RPA3: variants seen among roughly 807,000 people sequenced by gnomAD.
The protein encoded by RPA3 is replication protein A 14 kDa subunit.
Under a neutral mutation model 13.7 loss-of-function variants are expected in RPA3, and 24 were observed. The ratio of observed to expected loss-of-function variants is 1.75; its 90% CI spans 1.27 to 2.46. The LOEUF (loss-of-function observed/expected upper bound fraction) is 2.46, where lower values mean the gene tolerates loss of function less well. Ranked by LOEUF, RPA3 falls within the 30% of genes most tolerant of loss-of-function variation. The pLI is 0.00. For missense variants in RPA3, 183 were observed against 151.0 expected (o/e 1.21, Z -1.11); for synonymous variants, 59 against 51.2 (o/e 1.15, Z -0.65).
At chr7:7,638,850 G>C (rs1583679848) in intron 6 of RPA3, 1 of 391,450 alleles carries the variant, frequency 2.6e-6, no homozygotes, top group Non-Finnish European at 4.5e-6. Context: ...ACATTTATGG[G>C]ATATGTTCAA....
chr7:7,637,163 T>G, intron 7 of RPA3, 81 bp from the exon 8 acceptor site: 1 of 1,025,324 alleles, frequency 9.8e-7, no homozygotes, highest in Admixed American at 1.9e-5. Flanking sequence ...TTTTTACCTA[T>G]TTCCTTTTTC....
At chr7:7,718,100 TATA>T (rs1485689455) in intron 1 of RPA3, among the ~76,000 whole-genome samples, 1 of 152,208 alleles carries the variant, frequency 6.6e-6, no homozygotes, top group Non-Finnish European at 1.5e-5. Context: ...CACATTGTTG[TATA>T]ATAAGTTATA....
intron 4 of RPA3, among the ~76,000 whole-genome samples, chr7:7,656,872 T>A (rs986849257): frequency 2.6e-5 from 4 of 152,230 alleles, no homozygotes; most frequent in African/African-American, 9.7e-5. Context: ...TGTTTCTAGA[T>A]CCTTGAGGAA....
chr7:7,660,254 A>C (rs1415117270), intron 4 of RPA3, among the ~76,000 whole-genome samples: 1 of 152,140 alleles, frequency 6.6e-6, no homozygotes, highest in East Asian at 1.9e-4. Context: ...CTCTTTATCC[A>C]ATTTGCCAGT....
At chr7:7,668,164 C>T (rs540732736) in intron 4 of RPA3, among the ~76,000 whole-genome samples, 5 of 152,144 alleles carry the variant, frequency 3.3e-5, no homozygotes, top group East Asian at 3.9e-4. Flanking sequence ...TTGCCTGCCT[C>T]GGTCTCCCAA....
At chr7:7,698,870 C>G (rs891117413) in intron 2 of RPA3, among the ~76,000 whole-genome samples, 9 of 131,956 alleles carry the variant, frequency 6.8e-5, no homozygotes, top group Admixed American at 2.3e-4. Context: ...ACCCTCTTGT[C>G]TTTTTTTTTT....
chr7:7,660,935 C>T (rs980811156), intron 4 of RPA3, among the ~76,000 whole-genome samples: 11 of 152,240 alleles, frequency 7.2e-5, no homozygotes, highest in East Asian at 3.9e-4. Flanking sequence ...CTTTCGGGTA[C>T]GCCAATCAAA....
At chr7:7,660,138 C>G (rs1037945823) in intron 4 of RPA3, among the ~76,000 whole-genome samples, 4 of 152,064 alleles carry the variant, frequency 2.6e-5, no homozygotes, top group Non-Finnish European at 5.9e-5. Context: ...CTGTTTTTTG[C>G]TTTCCATTTG....
intron 2 of RPA3, among the ~76,000 whole-genome samples, chr7:7,688,475 G>C (rs374893018): frequency 5.5e-4 from 83 of 152,260 alleles, no homozygotes; most frequent in African/African-American, 1.9e-3. Flanking sequence ...TTTTTCTGCT[G>C]CCTTGCCCTC....
intron 4 of RPA3, among the ~76,000 whole-genome samples, chr7:7,663,248 G>C (rs889558944): frequency 6.8e-6 from 1 of 147,126 alleles, no homozygotes; most frequent in Non-Finnish European, 1.5e-5. Flanking sequence ...GGAACTTGCA[G>C]TTTGAAGCAA....
At chr7:7,686,341 T>C (rs1239374785) in intron 3 of RPA3, among the ~76,000 whole-genome samples, 1 of 152,198 alleles carries the variant, frequency 6.6e-6, no homozygotes, top group African/African-American at 2.4e-5. Flanking sequence ...CCTTCTCAAA[T>C]GTTAGAATGT....
intron 4 of RPA3, among the ~76,000 whole-genome samples, chr7:7,672,778 A>G (rs1779639448): frequency 6.6e-6 from 1 of 152,166 alleles, no homozygotes; most frequent in Non-Finnish European, 1.5e-5. Context: ...TCAGTCGAGG[A>G]TATTTCTTCA....
chr7:7,678,676 T>C (rs1225501423), intron 4 of RPA3, among the ~76,000 whole-genome samples: 12 of 127,718 alleles, frequency 9.4e-5, no homozygotes, highest in Non-Finnish European at 1.1e-4. Context: ...TAAATATATA[T>C]TTATATATTT....
chr7:7,694,819 G>C (rs1780268711), intron 2 of RPA3, among the ~76,000 whole-genome samples: 1 of 152,068 alleles, frequency 6.6e-6, no homozygotes, highest in Non-Finnish European at 1.5e-5. Flanking sequence ...CCAAATCTTA[G>C]CTATTGTGAA....
intron 4 of RPA3, among the ~76,000 whole-genome samples, chr7:7,651,016 G>A (rs1431114571): frequency 6.6e-6 from 1 of 152,130 alleles, no homozygotes; most frequent in African/African-American, 2.4e-5. Context: ...AAAAAGCCAG[G>A]TGCATGACCT....
chr7:7,662,229 A>G (rs1249111971), intron 4 of RPA3, among the ~76,000 whole-genome samples: 2 of 152,086 alleles, frequency 1.3e-5, no homozygotes, highest in Non-Finnish European at 2.9e-5. Flanking sequence ...AAGCCAGTGG[A>G]TCTTAGCTTG....
chr7:7,676,543 G>GT (rs1779744996), intron 4 of RPA3, among the ~76,000 whole-genome samples: 1 of 151,980 alleles, frequency 6.6e-6, no homozygotes, highest in Admixed American at 6.6e-5. Context: ...TAACCTCTTT[G>GT]TTTTTTAAAA....
At chr7:7,683,643 C>T (rs761253217) in intron 4 of RPA3, among the ~76,000 whole-genome samples, 11 of 150,008 alleles carry the variant, frequency 7.3e-5, no homozygotes, top group Admixed American at 2.7e-4. Context: ...TTTTTTTAGA[C>T]GGAGTTTTTG....
chr7:7,705,672 A>C (rs1385745792), intron 2 of RPA3, among the ~76,000 whole-genome samples: 1 of 152,162 alleles, frequency 6.6e-6, no homozygotes, highest in Non-Finnish European at 1.5e-5. Flanking sequence ...TGTTTTTAGG[A>C]TTTTTAGGGT....
Sources: gnomAD v4.1 joint callset for allele counts (sites outside exome capture counted in the v4.1 genomes callset) on GRCh38, gnomAD v4.1.1 for gene constraint, MANE v1.5 for transcripts, NCBI Gene and HGNC (gene_info 2026-07-23, HGNC 2026-07-21) for gene names.